ANKRD40: variants seen among roughly 807,000 people sequenced by gnomAD.
ANKRD40 encodes ankyrin repeat domain 40.
In ANKRD40, 24 loss-of-function variants were observed where a neutral mutation model predicts 35.5. The ratio of observed to expected loss-of-function variants is 0.68; its 90% CI spans 0.49 to 0.95. ANKRD40 has a LOEUF of 0.95. ANKRD40 is among the 40% of genes least tolerant of loss of function. ANKRD40 has a pLI of 0.00. For missense variants in ANKRD40, 361 were observed against 436.0 expected (o/e 0.83, Z 1.53); for synonymous variants, 147 against 173.5 (o/e 0.85, Z 1.20).
rs376230610 is a variant in ANKRD40 at position 50,696,056 on chromosome 17, C to G, written c.1048G>C (p.Ala350Pro). Residue 350 changes from alanine to proline, a missense_variant, in exon 5 of 5, where the codon GCA (alanine) becomes CCA (proline). Ala to Pro is a conservative substitution (Grantham distance 27). Transcript: ENST00000285243. ...CAAGGCCTTTCAGTCAGTGTGGATG[C>G]AGCATTTCTGAACAGAAAATTATTT... The part of the protein sequence containing the change: ...SENNFLFRNA[A>P]STLTERPCYN... 1.2e-6 allele frequency: 2 copies of G among 1,614,088 alleles called. No homozygotes were observed. Among genetic ancestry groups the G allele is most frequent in the Non-Finnish European group, 1.7e-6 (2 of 1,180,028 alleles).
At position 50,699,906 on chromosome 17, in the gene ANKRD40, A is replaced by G; in HGVS notation, c.284-13T>C. The G allele has an allele frequency of 6.7e-7, 1 of 1,497,110 alleles. No individual in the cohort carries two copies. Among genetic ancestry groups the G allele is most frequent in the South Asian group, 1.4e-5 (1 of 71,402 alleles). 92.7% of individuals were successfully genotyped at this position (1,497,110 alleles called of 1,614,324 possible). ...TCTTCTTCTTCCACTTAAAAAGAAG[A>G]AAACAGAACATTTACACAGTCCTTT... On this transcript the variant is annotated splice_polypyrimidine_tract_variant and intron_variant, in intron 2 of 4. Transcript: ENST00000285243.
In ANKRD40 at chr17:50,696,165, C is replaced by T. The variant is rs1262575069; in HGVS notation, c.961-22G>A. 3.7e-6 allele frequency: 6 copies of T among 1,608,704 alleles called. No individual in the cohort carries two copies. In the South Asian group the frequency reaches 6.6e-5, roughly 18 times the overall value. On this transcript the variant is annotated intron_variant, in intron 4 of 4. Coordinates refer to ENST00000285243, the MANE Select transcript of ANKRD40 (RefSeq NM_052855.4). ...TGTCCTAAAACAAAAATATGTTAAACAGATTAACAGGAGCCACTTGTCTCC... is the reference window on the plus strand; with the variant it reads ...TGTCCTAAAACAAAAATATGTTAAATAGATTAACAGGAGCCACTTGTCTCC...
chr17:50,707,773 C>G lies in ANKRD40; in HGVS notation c.-119G>C, dbSNP rs2094812250. 3 of 689,030 alleles carry G rather than the reference C, an allele frequency of 4.4e-6. No individual in the cohort carries two copies. The highest frequency in any genetic ancestry group is 1.3e-4 in the South Asian group (2 of 15,726). 42.7% of individuals were successfully genotyped at this position (689,030 alleles called of 1,614,324 possible). On this transcript the variant is annotated 5_prime_UTR_variant, in exon 1 of 5. Transcript: ENST00000285243. This position sits in a 1 kb window ranked among gnomAD's most constrained non-coding sequence, Gnocchi z 4.8. ...CCATGGGGAGGGAGCGCGGAACTCG[C>G]CCGCCCTGCTCGCGCCGCTGCCCGC...
rs751166430 is a variant in ANKRD40, at chr17:50,699,790, G to A, written c.387C>T (p.Phe129=). 6.3e-7 allele frequency: 1 copy of A among 1,594,320 alleles called. No individual in the cohort carries two copies. Among genetic ancestry groups the A allele is most frequent in the Non-Finnish European group, 8.6e-7 (1 of 1,168,628 alleles). Residue 129 remains phenylalanine, a synonymous_variant, in exon 3 of 5, where the codon TTC becomes TTT. Transcript: ENST00000285243. ...CTGCTGTGGGTGTATAGATAAAAGG[G>A]AAGGCTGGGTTGGCCAAATAGTTGG... The part of the protein sequence containing the change: ...FVPNYLANPA[F]PFIYTPTAED...
chr17:50,701,697 A>C (rs988944108), intron 1 of ANKRD40, among the ~76,000 whole-genome samples: 21 of 152,190 alleles, frequency 1.4e-4, no homozygotes, highest in Non-Finnish European at 1.6e-4. Context: ...CCAACTCTCT[A>C]ACTGAACTGA....
chr17:50,699,159 A>C (rs1005472281), intron 3 of ANKRD40, among the ~76,000 whole-genome samples: 3 of 152,114 alleles, frequency 2.0e-5, no homozygotes, highest in Admixed American at 1.3e-4. Context: ...GCTACGTCTC[A>C]ATAAAAAAAA....
At position 50,693,612 on chromosome 17, in the gene ANKRD40, C is replaced by T. The variant is rs373213773; in HGVS notation, c.*2385G>A. 4.1e-4 allele frequency: 62 copies of T among 152,400 alleles called. No individual in the cohort carries two copies. The highest frequency in any genetic ancestry group is 1.5e-3 in the African/African-American group (61 of 41,586). 9.4% of individuals were successfully genotyped at this position (152,400 alleles called of 1,614,324 possible). ...AAGCCCAGAACATGCCCTGCAGCTG[C>T]TCCTCTGGAGGCCATCTCCCAGCCA... On this transcript the variant is annotated 3_prime_UTR_variant, in exon 5 of 5. Transcript: ENST00000285243.
At position 50,707,446 on chromosome 17, in the gene ANKRD40, C is replaced by A; in HGVS notation, c.134+75G>T. 6.5e-7 allele frequency: 1 copy of A among 1,546,106 alleles called. No individual in the cohort carries two copies. Among genetic ancestry groups the A allele is most frequent in the East Asian group, 2.6e-5 (1 of 38,624 alleles). On this transcript the variant is annotated intron_variant, in intron 1 of 4. Transcript: ENST00000285243. This position sits in a 1 kb window ranked among gnomAD's most constrained non-coding sequence, Gnocchi z 4.8. The stretch of plus-strand genomic sequence containing the variant: ...CCGTAGCCAGGCGTCCCGCGCTGGG[C>A]CCAGGTCGCGACTGACTGCCCCACG...
intron 4 of ANKRD40, 128 bp from the exon 5 acceptor site, chr17:50,696,271 G>T: frequency 9.0e-7 from 1 of 1,112,772 alleles, no homozygotes; most frequent in Non-Finnish European, 1.2e-6. Flanking sequence ...CCTGTGGCAG[G>T]CTAAGTCAGT....
chr17:50,693,500 A>G lies in ANKRD40; in HGVS notation c.*2497T>C, dbSNP rs1968154897. 6.6e-6 allele frequency: 1 copy of G among 152,292 alleles called. No homozygotes were observed. The highest frequency in any genetic ancestry group is 2.4e-5 in the African/African-American group (1 of 41,476). 9.4% of individuals were successfully genotyped at this position (152,292 alleles called of 1,614,324 possible). A position where few individuals can be genotyped will look rare whatever the true frequency, so the allele number is the denominator to read the frequency against. On this transcript the variant is annotated 3_prime_UTR_variant, in exon 5 of 5. Transcript: ENST00000285243. ...GTCAGTTGACCACAGAGGATTTTATAAAGGAGAAGAGAGACCAGCATAGGA... is the reference window on the plus strand; with the variant it reads ...GTCAGTTGACCACAGAGGATTTTATGAAGGAGAAGAGAGACCAGCATAGGA...
At chr17:50,705,859 C>A (rs533296718) in intron 1 of ANKRD40, among the ~76,000 whole-genome samples, 5 of 151,350 alleles carry the variant, frequency 3.3e-5, no homozygotes, top group Non-Finnish European at 7.4e-5. Context: ...CAGGGTTTCA[C>A]CATGTTGGCC....
intron 1 of ANKRD40, among the ~76,000 whole-genome samples, chr17:50,701,776 AG>A (rs2146658223): frequency 6.6e-6 from 1 of 152,344 alleles, no homozygotes; most frequent in Non-Finnish European, 1.5e-5. Flanking sequence ...TCAATATTGA[AG>A]GTTAGTTCAC....
At position 50,703,349 on chromosome 17, in the gene ANKRD40, A is replaced by G. The variant is rs201106727; in HGVS notation, c.135-2633T>C. On this transcript the variant is annotated intron_variant, in intron 1 of 4. Transcript: ENST00000285243. ...CTACTGTCAACATTCCCCCCATTTT[A>G]CAGAAGAGGAAACAGACATCAGCAA... 4.2e-3 allele frequency among the ~76,000 whole-genome samples: 642 copies of G among 152,248 alleles called. 3 individuals are homozygous for G. Among genetic ancestry groups the G allele is most frequent in the African/African-American group, 0.015 (625 of 41,542 alleles).
intron 1 of ANKRD40, among the ~76,000 whole-genome samples, chr17:50,705,261 A>C (rs1416003661): frequency 6.6e-6 from 1 of 152,224 alleles, no homozygotes; most frequent in African/African-American, 2.4e-5. Flanking sequence ...TCTCAGGCAA[A>C]GTCCCATAGC....
At chr17:50,697,162 C>A in intron 3 of ANKRD40, 41 bp from the exon 4 acceptor site, 1 of 1,530,914 alleles carries the variant, frequency 6.5e-7, no homozygotes. Flanking sequence ...AGTTCTGGCA[C>A]AGCACAGCCC....
rs1968152081 is a variant in ANKRD40 at position 50,693,239 on chromosome 17, A to G, written c.*2758T>C. The G allele has an allele frequency of 6.6e-6, 1 of 152,198 alleles. No individual in the cohort carries two copies. The highest frequency in any genetic ancestry group is 1.5e-5 in the Non-Finnish European group (1 of 68,038). The allele number at this position is 152,198 out of a possible 1,614,324, so 9.4% of individuals were successfully genotyped here. A position where few individuals can be genotyped will look rare whatever the true frequency, so the allele number is the denominator to read the frequency against. ...TTTTAATAATACTTGTTATGTTTGA[A>G]CAGTCAGCAATGCACAAAGAAAAAA... On this transcript the variant is annotated 3_prime_UTR_variant, in exon 5 of 5. Transcript: ENST00000285243.
At chr17:50,700,813 G>T in intron 1 of ANKRD40, 97 bp from the exon 2 acceptor site, 2 of 1,197,596 alleles carry the variant, frequency 1.7e-6, no homozygotes, top group Non-Finnish European at 2.3e-6. Context: ...GCCTGTTAGA[G>T]TTCAGCTAGA....
intron 1 of ANKRD40, among the ~76,000 whole-genome samples, chr17:50,701,676 G>T (rs546758650): frequency 1.3e-5 from 2 of 152,268 alleles, no homozygotes; most frequent in East Asian, 1.9e-4. Flanking sequence ...GTTTTGAAAG[G>T]TCTTCTTTCA....
Position 50,696,870 on chromosome 17 carries a change from T to A in ANKRD40, c.960+70A>T, listed in dbSNP as rs982677073. 84 of 1,408,464 alleles carry A rather than the reference T, an allele frequency of 6.0e-5. No individual in the cohort carries two copies. In the African/African-American group the frequency reaches 1.1e-3, roughly 19 times the overall value. 87.2% of individuals were successfully genotyped at this position (1,408,464 alleles called of 1,614,324 possible). ...TTTGTTTATTCCCTCAACTACCTCA[T>A]ATAACCAAGGAGGGGGCTAGGTATT... is the stretch of plus-strand genomic sequence containing the variant. On this transcript the variant is annotated intron_variant, in intron 4 of 4. Transcript: ENST00000285243.
Sources: allele counts gnomAD v4.1 joint callset (sites outside exome capture counted in the v4.1 genomes callset), GRCh38; gene constraint gnomAD v4.1.1; non-coding constraint Gnocchi (gnomAD v3.1); transcripts MANE v1.5; gene names NCBI Gene and HGNC (gene_info 2026-07-23, HGNC 2026-07-21).